The following RGPD1 variants were observed in gnomAD, a reference collection of about 807,000 sequenced individuals.
RGPD1 encodes RANBP2-like and GRIP domain-containing protein 1.
RGPD1 carries 7 observed loss-of-function variants against 40.6 expected under a neutral mutation model. The ratio of observed to expected loss-of-function variants is 0.17; its 90% confidence interval spans 0.10 to 0.32. RGPD1 has a LOEUF of 0.32. RGPD1 is among the 10% of genes least tolerant of loss of function. The pLI, the probability that RGPD1 is intolerant of heterozygous loss-of-function variation, is 1.00. For synonymous variants in RGPD1, 24 were observed against 167.0 expected (o/e 0.14, Z 6.60); for missense variants, 50 against 472.5 (o/e 0.11, Z 8.29).
At chr2:86,914,158 C>T (rs1165675639) in intron 1 of RGPD1, among the ~76,000 whole-genome samples, 1 of 75,586 alleles carries the variant, frequency 1.3e-5, no homozygotes, top group Non-Finnish European at 2.6e-5. Flanking sequence ...GCGGCGGCGG[C>T]GGCCTCGGCC....
At chr2:86,915,029 C>G (rs1233240998) in intron 1 of RGPD1, among the ~76,000 whole-genome samples, 1 of 149,846 alleles carries the variant, frequency 6.7e-6, no homozygotes. Flanking sequence ...GGCATGGTGG[C>G]TCACACCTGT....
chr2:86,938,607 A>T (rs1397140451), upstream of RGPD1, among the ~76,000 whole-genome samples: 28 of 151,360 alleles, frequency 1.8e-4, no homozygotes, highest in South Asian at 4.1e-4. Context: ...CTCAAAAAAA[A>T]AAAAAAATAA....
In RGPD1 at chr2:87,000,679, C is replaced by T. The variant is rs938911168; in HGVS notation, c.5236+2921C>T. Among the ~76,000 whole-genome samples, 10 of 67,922 alleles carry T rather than the reference C, an allele frequency of 1.5e-4. 3 individuals carry two copies. The highest frequency in any genetic ancestry group is 7.1e-4 in the East Asian group (2 of 2,834). 44.6% of individuals were successfully genotyped at this position (67,922 alleles called of 152,430 possible). A position where few individuals can be genotyped will look rare whatever the true frequency, so the allele number is the denominator to read the frequency against. On this transcript the variant is annotated intron_variant, in intron 22 of 22. Transcript: ENST00000641458. Reference sequence around the variant, plus strand: ...AAGAGAGAGAATGTAAGGCCTGGCACGGTGGCTCACACCTGTAATCCAGCA... The same window carrying T: ...AAGAGAGAGAATGTAAGGCCTGGCATGGTGGCTCACACCTGTAATCCAGCA...
rs756579942 is a variant in RGPD1, at chr2:86,913,892, G to A, written c.43G>A (p.Val15Met). 4 of 1,573,500 alleles carry A rather than the reference G, an allele frequency of 2.5e-6. No homozygotes were observed. In the Admixed American group the frequency reaches 5.2e-5, roughly 20 times the overall value. The change falls in exon 1 of 23, where the codon GTG (valine) becomes ATG (methionine). Residue 15 changes from valine to methionine, a missense_variant. Coordinates refer to the RGPD1 transcript ENST00000398193. ...CTACGGGGAGCGGTACCTCGCCTCG[G>A]TGCAGGGCTCCGCCCCGTCGCCTGG...
At chr2:86,914,217 C>CGGT (rs2104643591) in intron 1 of RGPD1, among the ~76,000 whole-genome samples, 1 of 99,840 alleles carries the variant, frequency 1.0e-5, no homozygotes, top group African/African-American at 3.9e-5. Context: ...CGGGCGGCGG[C>CGGT]GGCGGCCTCG....
At chr2:86,973,887 TAATC>T (rs1194657385) in intron 9 of RGPD1, among the ~76,000 whole-genome samples, 182 bp from the exon 10 acceptor site, 3 of 88,114 alleles carry the variant, frequency 3.4e-5, no homozygotes, top group South Asian at 4.4e-4. Flanking sequence ...TTTCTAGAAA[TAATC>T]AAGTGAGAAT....
upstream of RGPD1, among the ~76,000 whole-genome samples, chr2:86,938,629 G>T (rs1163351970): frequency 6.6e-6 from 1 of 151,496 alleles, no homozygotes; most frequent in Non-Finnish European, 1.5e-5. Flanking sequence ...TAAATAAAAA[G>T]AATTCCTTCA....
At chr2:87,007,612 C>T (rs1682106551) in intron 22 of RGPD1, among the ~76,000 whole-genome samples, 1 of 152,138 alleles carries the variant, frequency 6.6e-6, no homozygotes, top group Non-Finnish European at 1.5e-5. Context: ...CTTCTGGCCT[C>T]AGGTGATCCA....
At chr2:86,923,483 G>A (rs1163856104) in intron 1 of RGPD1, among the ~76,000 whole-genome samples, 1 of 150,974 alleles carries the variant, frequency 6.6e-6, no homozygotes, top group Non-Finnish European at 1.5e-5. Flanking sequence ...TATAGACACA[G>A]AATATTTTTA....
upstream of RGPD1, among the ~76,000 whole-genome samples, chr2:86,938,519 G>A (rs1305937900): frequency 6.8e-6 from 1 of 147,866 alleles, no homozygotes; most frequent in East Asian, 2.0e-4. Flanking sequence ...AAAGATCAGA[G>A]TAGGCATGGG....
chr2:86,940,870 C>CACTCCAAACTAGATTTTCT (rs2104751755), upstream of RGPD1, among the ~76,000 whole-genome samples: 1 of 151,988 alleles, frequency 6.6e-6, no homozygotes, highest in Admixed American at 6.6e-5. Flanking sequence ...TAGGATTTTC[C>CACTCCAAACTAGATTTTCT]ACTCCAAACT....
At chr2:86,998,434 G>A (rs1335331340) in intron 22 of RGPD1, among the ~76,000 whole-genome samples, 1 of 21,864 alleles carries the variant, frequency 4.6e-5, no homozygotes, top group Admixed American at 6.4e-4. Flanking sequence ...AGAGTCGCTT[G>A]AACTCACGAG....
At chr2:86,962,498 ACT>A (rs1448842398) in intron 6 of RGPD1, among the ~76,000 whole-genome samples, 5 of 89,764 alleles carry the variant, frequency 5.6e-5, no homozygotes, top group Admixed American at 1.1e-4. Context: ...ATAGTGAGAG[ACT>A]CTGTCTCAAA....
At chr2:86,941,696 A>G (rs1679766858), upstream of RGPD1, among the ~76,000 whole-genome samples, 1 of 149,520 alleles carries the variant, frequency 6.7e-6, no homozygotes, top group South Asian at 2.1e-4. Context: ...CGCAGGACTG[A>G]CTGCGGGATT....
chr2:86,942,250 A>G lies in RGPD1; in HGVS notation c.14A>G (p.Lys5Arg), dbSNP rs1274971748. 2.5e-6 allele frequency: 4 copies of G among 1,606,760 alleles called. No individual in the cohort carries two copies. In the African/African-American group the frequency reaches 4.0e-5, roughly 16 times the overall value. Residue 5 changes from lysine (K) to arginine (R), a missense_variant, in exon 1 of 23, where the codon AAG becomes AGG. Transcript: ENST00000641458. ...GTTGGCGGTGCGATGAGGCGCAGCAAGGCCTACGGGGAGCGGTACGTCGCC... is the reference window on the plus strand; with the variant it reads ...GTTGGCGGTGCGATGAGGCGCAGCAGGGCCTACGGGGAGCGGTACGTCGCC... MRRS[K>R]AYGERYVASV...
chr2:86,938,609 A>AT (rs1297232837), upstream of RGPD1, among the ~76,000 whole-genome samples: 272 of 151,928 alleles, frequency 1.8e-3, no homozygotes, highest in Middle Eastern at 0.01. Flanking sequence ...CAAAAAAAAA[A>AT]AAAAATAAAT....
chr2:86,915,148 C>T (rs1232981881), intron 1 of RGPD1, among the ~76,000 whole-genome samples: 1 of 149,814 alleles, frequency 6.7e-6, no homozygotes. Flanking sequence ...ATACAAAAAT[C>T]AGCGGGGTGT....
intron 1 of RGPD1, among the ~76,000 whole-genome samples, chr2:86,915,522 C>T (rs1336413071): frequency 1.1e-5 from 1 of 89,502 alleles, no homozygotes; most frequent in African/African-American, 4.7e-5. Flanking sequence ...AAAAATCTTA[C>T]CCCTTTATAG....
intron 1 of RGPD1, among the ~76,000 whole-genome samples, chr2:86,918,594 G>T (rs1417921771): frequency 2.0e-5 from 3 of 147,166 alleles, no homozygotes; most frequent in Admixed American, 2.0e-4. Context: ...CGAGTAGCCG[G>T]GACTACAGGC....
Sources: allele counts gnomAD v4.1 joint callset (sites outside exome capture counted in the v4.1 genomes callset), GRCh38; gene constraint gnomAD v4.1.1; transcripts MANE v1.5; gene names NCBI Gene and HGNC (gene_info 2026-07-23, HGNC 2026-07-21).